The following XPO7 variants were observed in gnomAD, a reference collection of about 807,000 sequenced individuals.
The protein encoded by XPO7 is exportin 7.
Under a neutral mutation model 144.3 loss-of-function variants are expected in XPO7, and 21 were observed. That is an observed-to-expected ratio of 0.15 (90% confidence interval 0.10 to 0.21). XPO7 has a LOEUF of 0.21. Ranked by LOEUF, XPO7 falls within the 10% of genes least tolerant of loss-of-function variation. The pLI, the probability that XPO7 is intolerant of heterozygous loss-of-function variation, is 1.00. For missense variants in XPO7, 808 were observed against 1,325.8 expected, an observed-to-expected ratio of 0.61 and a Z score of 6.06; for synonymous variants, 580 against 499.6, an observed-to-expected ratio of 1.16 and a Z score of -2.15.
chr8:21,964,514 C>T lies in XPO7; in HGVS notation c.19-2343C>T, dbSNP rs150990166. Reference sequence around the variant, plus strand: ...AATGTCTCATTCCTTTCTCCTTCATCGGTAGTGTGGGCAACCCAAAGAAAA... The same window carrying T: ...AATGTCTCATTCCTTTCTCCTTCATTGGTAGTGTGGGCAACCCAAAGAAAA... On this transcript the variant is annotated intron_variant, in intron 1 of 27. Coordinates refer to ENST00000252512, the MANE Select transcript of XPO7 (RefSeq NM_015024.5). Among the ~76,000 whole-genome samples the T allele has an allele frequency of 3.4e-3, 514 of 152,206 alleles. 5 individuals are homozygous for T. The highest frequency in any genetic ancestry group is 0.012 in the African/African-American group (485 of 41,512).
chr8:21,976,742 C>A (rs1812236401), intron 7 of XPO7, among the ~76,000 whole-genome samples: 1 of 152,208 alleles, frequency 6.6e-6, no homozygotes, highest in Non-Finnish European at 1.5e-5. Context: ...CATCCTCAAC[C>A]TCCTGGACTC....
At chr8:21,949,388 C>T (rs1470080786) in intron 1 of XPO7, among the ~76,000 whole-genome samples, 1 of 152,200 alleles carries the variant, frequency 6.6e-6, no homozygotes, top group African/African-American at 2.4e-5. Flanking sequence ...TTGTCTGAAG[C>T]CTACATACTG....
rs76899780 is a variant in XPO7, at chr8:21,987,280, A to C, written c.1713+4A>C. ...CCAAGTGCAGAAATCCTCTAAGGTA[A>C]CAGCCTCTCAATTGGCTCCCCTTAG... On this transcript the variant is annotated splice_donor_region_variant and intron_variant, in intron 14 of 27. Transcript: ENST00000252512. The C allele has an allele frequency of 1.2e-6, 2 of 1,614,002 alleles. No individual in the cohort carries two copies. The highest frequency in any genetic ancestry group is 2.7e-5 in the African/African-American group (2 of 75,058).
At chr8:21,935,590 A>G (rs1187703693) in intron 1 of XPO7, among the ~76,000 whole-genome samples, 1 of 152,158 alleles carries the variant, frequency 6.6e-6, no homozygotes, top group East Asian at 1.9e-4. Context: ...CTTTTTTCTC[A>G]TAGATAGGAC....
At chr8:21,930,009 G>C (rs1182586948) in intron 1 of XPO7, among the ~76,000 whole-genome samples, 1 of 152,218 alleles carries the variant, frequency 6.6e-6, no homozygotes, top group African/African-American at 2.4e-5. Flanking sequence ...TTTTGCTGAA[G>C]TAGGAATCTA....
intron 1 of XPO7, among the ~76,000 whole-genome samples, chr8:21,952,855 A>C (rs1015092795): frequency 6.6e-6 from 1 of 152,216 alleles, no homozygotes; most frequent in African/African-American, 2.4e-5. Flanking sequence ...ATTGGTTAGT[A>C]AACTAGCCAG....
chr8:21,919,982 T>C (rs2117224962), intron 1 of XPO7, among the ~76,000 whole-genome samples, 194 bp downstream of exon 1: 1 of 150,236 alleles, frequency 6.7e-6, no homozygotes, highest in East Asian at 2.0e-4. Context: ...GCCTTCTCCG[T>C]CCCCTCCCAC....
chr8:21,949,450 C>T (rs565944758), intron 1 of XPO7, among the ~76,000 whole-genome samples: 4 of 152,330 alleles, frequency 2.6e-5, no homozygotes, highest in South Asian at 4.1e-4. Flanking sequence ...ATACTTCTCC[C>T]ATTATTGCCA....
chr8:21,954,164 G>A (rs929820558), intron 1 of XPO7, among the ~76,000 whole-genome samples: 1 of 152,174 alleles, frequency 6.6e-6, no homozygotes, highest in African/African-American at 2.4e-5. Context: ...CATAATGATG[G>A]AGCTTAGTGA....
At chr8:21,931,147 G>A (rs1563309776) in intron 1 of XPO7, among the ~76,000 whole-genome samples, 1 of 151,444 alleles carries the variant, frequency 6.6e-6, no homozygotes, top group Non-Finnish European at 1.5e-5. Flanking sequence ...CCCACCCCAT[G>A]CCTATCTTAT....
At chr8:21,988,739 GC>G in intron 15 of XPO7, 1 of 452,518 alleles carries the variant, frequency 2.2e-6, no homozygotes, top group East Asian at 4.2e-5. Flanking sequence ...GCCCTGGAGT[GC>G]CCCAGAATTC....
intron 9 of XPO7, among the ~76,000 whole-genome samples, chr8:21,981,407 A>G (rs1401455557): frequency 6.6e-6 from 1 of 152,180 alleles, no homozygotes; most frequent in Non-Finnish European, 1.5e-5. Context: ...GGTCGTGCCC[A>G]CTTCTGCTAT....
At chr8:21,987,448 C>CCATTTCTT (rs1423805718) in intron 14 of XPO7, among the ~76,000 whole-genome samples, 172 bp downstream of exon 14, 1 of 152,126 alleles carries the variant, frequency 6.6e-6, no homozygotes, top group Non-Finnish European at 1.5e-5. Flanking sequence ...AGAATTGGGC[C>CCATTTCTT]CATTTCTTTA....
intron 13 of XPO7, among the ~76,000 whole-genome samples, chr8:21,985,893 AAAT>A (rs1812563546): frequency 1.3e-5 from 2 of 152,248 alleles, no homozygotes; most frequent in African/African-American, 2.4e-5. Flanking sequence ...TTCAGAAAGG[AAAT>A]AATGGATACG....
intron 18 of XPO7, 74 bp downstream of exon 18, chr8:21,990,993 T>C: frequency 7.2e-7 from 1 of 1,382,396 alleles, no homozygotes; most frequent in Non-Finnish European, 1.0e-6. Flanking sequence ...GACTGAAAAC[T>C]AGATGTTGGG....
intron 11 of XPO7, among the ~76,000 whole-genome samples, chr8:21,983,382 T>C (rs1812468370): frequency 6.6e-6 from 1 of 152,242 alleles, no homozygotes; most frequent in South Asian, 2.1e-4. Context: ...AATGAAGTTA[T>C]AGCCCTGTTT....
At chr8:21,973,872 C>T (rs1346211354) in intron 5 of XPO7, among the ~76,000 whole-genome samples, 4 of 152,180 alleles carry the variant, frequency 2.6e-5, no homozygotes, top group African/African-American at 9.7e-5. Flanking sequence ...CAGGGAAAGT[C>T]AAAGACCAAT....
chr8:21,979,607 C>T (rs1444943221), intron 8 of XPO7, among the ~76,000 whole-genome samples: 2 of 151,174 alleles, frequency 1.3e-5, no homozygotes, highest in East Asian at 4.0e-4. Flanking sequence ...TGAGGTTTCA[C>T]TATGTTTGCC....
intron 1 of XPO7, among the ~76,000 whole-genome samples, chr8:21,956,638 A>AT (rs1811543739): frequency 3.0e-5 from 3 of 98,730 alleles, no homozygotes; most frequent in African/African-American, 1.6e-4. Flanking sequence ...TGTCTGTGAG[A>AT]TTTTAACTTT....
Sources: allele counts gnomAD v4.1 joint callset (sites outside exome capture counted in the v4.1 genomes callset), GRCh38; gene constraint gnomAD v4.1.1; transcripts MANE v1.5; gene names NCBI Gene and HGNC (gene_info 2026-07-23, HGNC 2026-07-21).